SNF8: variants seen among roughly 807,000 people sequenced by gnomAD.
SNF8 encodes vacuolar-sorting protein SNF8.
In SNF8, 19 loss-of-function variants were observed where a neutral mutation model predicts 36.8. That is an observed-to-expected ratio of 0.52 (90% confidence interval 0.36 to 0.76). The LOEUF (loss-of-function observed/expected upper bound fraction) is 0.76, where lower values mean the gene tolerates loss of function less well. Among genes scored for constraint, SNF8 ranks in the 30% least tolerant of loss-of-function variants. SNF8 has a pLI of 0.00. For synonymous variants in SNF8, 127 were observed against 127.4 expected (o/e 1.00, Z 0.02); for missense variants, 268 against 322.9 (o/e 0.83, Z 1.30).
intron 5 of SNF8, among the ~76,000 whole-genome samples, chr17:48,935,370 G>A (rs1466973100): frequency 1.3e-5 from 2 of 151,994 alleles, no homozygotes; most frequent in African/African-American, 2.4e-5. Flanking sequence ...AAAATTAGCC[G>A]GGCGTGGTGG....
At chr17:48,941,189 G>T in intron 2 of SNF8, 127 bp from the exon 3 acceptor site, 1 of 1,024,798 alleles carries the variant, frequency 9.8e-7, no homozygotes, top group Non-Finnish European at 1.4e-6. Flanking sequence ...CTACCATTAT[G>T]CTGTTTACCA....
At chr17:48,938,452 C>T (rs1312992241) in intron 3 of SNF8, among the ~76,000 whole-genome samples, 4 of 145,888 alleles carry the variant, frequency 2.7e-5, no homozygotes, top group South Asian at 2.1e-4. Flanking sequence ...CCCAAGATCA[C>T]GCCATTGCAC....
rs1221427352 is a variant in SNF8, at chr17:48,931,723, G to A, written c.565-6C>T. ...ACAGTCACGTAGCCATTCTTCTGAA[G>A]GAAGGAGGAATGGGGATTGAATCAG... On this transcript the variant is annotated splice_region_variant and splice_polypyrimidine_tract_variant and intron_variant, in intron 6 of 7. Transcript: ENST00000502492. The A allele has an allele frequency of 2.5e-6, 4 of 1,611,312 alleles. No homozygotes were observed. The African/African-American group carries it at 5.3e-5, about 22-fold the overall frequency.
At position 48,929,438 on chromosome 17, in the gene SNF8, C is replaced by T. The variant is rs984465991; in HGVS notation, c.*1037G>A. 5.9e-5 allele frequency: 9 copies of T among 152,292 alleles called. No homozygotes were observed. Among genetic ancestry groups the T allele is most frequent in the Admixed American group, 5.2e-4 (8 of 15,288 alleles). The allele number at this position is 152,292 out of a possible 1,614,324, so 9.4% of individuals were successfully genotyped here. A position where few individuals can be genotyped will look rare whatever the true frequency, so the allele number is the denominator to read the frequency against. Reference sequence around the variant, plus strand: ...CCATTGAGTTTTCAGATTTCCAGTACTAAACTAGCACTTTTAGGATCTTAG... The same window carrying T: ...CCATTGAGTTTTCAGATTTCCAGTATTAAACTAGCACTTTTAGGATCTTAG... On this transcript the variant is annotated 3_prime_UTR_variant, in exon 8 of 8. Transcript: ENST00000502492.
chr17:48,937,786 C>T (rs185885498), intron 3 of SNF8, among the ~76,000 whole-genome samples: 8 of 148,658 alleles, frequency 5.4e-5, no homozygotes, highest in African/African-American at 1.7e-4. Flanking sequence ...ATTAGCCGGG[C>T]GTGGTGGCGC....
chr17:48,933,311 G>A lies in SNF8; in HGVS notation c.458C>T (p.Ala153Val). The change falls in exon 6 of 8, where the codon GCA (alanine) becomes GTA (valine). Residue 153 changes from alanine to valine, a missense_variant. Physicochemically the swap from Ala to Val is moderately conservative, Grantham distance 64. Coordinates refer to ENST00000502492, the MANE Select transcript of SNF8 (RefSeq NM_007241.4). ...GATGATGCCGAAGCCAGTGCCAAGT[G>A]CCTTTAGTTTCTTGATGGCTCTGAT... ...DLIRAIKKLK[A>V]LGTGFGIIPV... 1 of 1,614,206 alleles carries A rather than the reference G, an allele frequency of 6.2e-7. No homozygotes were observed. The highest frequency in any genetic ancestry group is 8.5e-7 in the Non-Finnish European group (1 of 1,180,038).
chr17:48,941,404 TTTTC>T lies in SNF8; in HGVS notation c.106-346_106-343del, dbSNP rs1433930523. ...AGGTATATATATAATGTGGTATTCC[TTTTC>T]TTTTTCCCAGAAAAACGTATTAATT... is the stretch of plus-strand genomic sequence containing the variant. On this transcript the variant is annotated intron_variant, in intron 2 of 7. Transcript: ENST00000502492. Among the ~76,000 whole-genome samples the T allele has an allele frequency of 7.2e-5, 11 of 152,326 alleles. No individual in the cohort carries two copies. In the South Asian group the frequency reaches 2.1e-3, roughly 29 times the overall value.
intron 3 of SNF8, among the ~76,000 whole-genome samples, chr17:48,940,138 C>A (rs1299686415): frequency 6.7e-6 from 1 of 149,790 alleles, no homozygotes; most frequent in Non-Finnish European, 1.5e-5. Flanking sequence ...ACTTCCCAGT[C>A]TCAAGCAATC....
intron 2 of SNF8, among the ~76,000 whole-genome samples, chr17:48,943,424 C>CA (rs1356934541): frequency 6.6e-6 from 1 of 152,116 alleles, no homozygotes; most frequent in Non-Finnish European, 1.5e-5. Flanking sequence ...GTCTGACCAA[C>CA]ATGGAGAAAC....
At chr17:48,930,917 C>T (rs1047918911) in intron 7 of SNF8, among the ~76,000 whole-genome samples, 6 of 152,176 alleles carry the variant, frequency 3.9e-5, no homozygotes, top group Non-Finnish European at 8.8e-5. Context: ...TTCAGCAAAT[C>T]ACTGCCTCCA....
chr17:48,943,212 G>A (rs1209286172), intron 2 of SNF8, among the ~76,000 whole-genome samples: 1 of 150,938 alleles, frequency 6.6e-6, no homozygotes, highest in East Asian at 2.0e-4. Context: ...GCTCACGCCT[G>A]TAGTCCCAGC....
At chr17:48,942,703 CAG>C (rs1046951867) in intron 2 of SNF8, among the ~76,000 whole-genome samples, 9 of 152,102 alleles carry the variant, frequency 5.9e-5, no homozygotes, top group African/African-American at 2.2e-4. Flanking sequence ...TGAAAAGCCC[CAG>C]AGGACCTAAA....
chr17:48,933,698 T>C, intron 5 of SNF8: 1 of 217,060 alleles, frequency 4.6e-6, no homozygotes, highest in Non-Finnish European at 9.4e-6. Context: ...TGTGCACCAC[T>C]GTACTCCAGC....
chr17:48,944,087 A>T, intron 1 of SNF8, 112 bp from the exon 2 acceptor site: 1 of 921,696 alleles, frequency 1.1e-6, no homozygotes, highest in Non-Finnish European at 1.7e-6. Context: ...GCGGATCACG[A>T]GGTCAGGAGA....
At chr17:48,941,680 A>C (rs1273492105) in intron 2 of SNF8, among the ~76,000 whole-genome samples, 1 of 140,646 alleles carries the variant, frequency 7.1e-6, no homozygotes, top group Non-Finnish European at 1.6e-5. Context: ...TGTCTCAATC[A>C]ATCAATATTT....
At chr17:48,934,499 G>T in intron 5 of SNF8, 1 of 200,926 alleles carries the variant, frequency 5.0e-6, no homozygotes, top group African/African-American at 2.4e-5. Context: ...AGCTACTCAG[G>T]AGGCTGAGGC....
chr17:48,944,382 A>G (rs1190542097), intron 1 of SNF8, among the ~76,000 whole-genome samples: 1 of 152,254 alleles, frequency 6.6e-6, no homozygotes, highest in African/African-American at 2.4e-5. Context: ...GGATGAAAAG[A>G]GGAGGATCTC....
At chr17:48,931,613 T>C in intron 7 of SNF8, 30 bp downstream of exon 7, 1 of 1,587,118 alleles carries the variant, frequency 6.3e-7, no homozygotes, top group South Asian at 1.1e-5. Flanking sequence ...GGCCTGCCTG[T>C]CTTTTCTGGA....
In SNF8 at chr17:48,931,702, T is replaced by G. The variant is rs2040861951; in HGVS notation, c.580A>C (p.Thr194Pro). 6.2e-7 allele frequency: 1 copy of G among 1,612,768 alleles called. No individual in the cohort carries two copies. The highest frequency in any genetic ancestry group is 8.5e-7 in the Non-Finnish European group (1 of 1,179,462). ...LQLAEKNGYV[T>P]VSEIKASLKW... ...AGACTGGCTTTGATCTCACTGACAG[T>G]CACGTAGCCATTCTTCTGAAGGAAG... The change falls in exon 7 of 8, where the codon ACT becomes CCT. Residue 194 changes from threonine (T) to proline (P), a missense_variant. Coordinates refer to ENST00000502492, the MANE Select transcript of SNF8 (RefSeq NM_007241.4).
Sources: allele counts gnomAD v4.1 joint callset (sites outside exome capture counted in the v4.1 genomes callset), GRCh38; gene constraint gnomAD v4.1.1; transcripts MANE v1.5; gene names NCBI Gene and HGNC (gene_info 2026-07-23, HGNC 2026-07-21).